Variants in MACROD2 observed in about 807,000 individuals in gnomAD.
MACROD2 encodes mono-ADP ribosylhydrolase 2.
Under a neutral mutation model 70.4 loss-of-function variants are expected in MACROD2, and 36 were observed. The ratio of observed to expected loss-of-function variants is 0.51; its 90% CI spans 0.39 to 0.68. The LOEUF is 0.68. Ranked by LOEUF, MACROD2 falls within the 30% of genes least tolerant of loss-of-function variation. The probability of loss-of-function intolerance (pLI) is 0.00; values close to 1 mark genes in which losing one functional copy is unlikely to be tolerated. For synonymous variants in MACROD2, 172 were observed against 178.8 expected, an observed-to-expected ratio of 0.96 and a Z score of 0.30; for missense variants, 496 against 538.4, an observed-to-expected ratio of 0.92 and a Z score of 0.78.
At chr20:14,094,444 A>G (rs1222793641) in intron 3 of MACROD2, among the ~76,000 whole-genome samples, 1 of 152,204 alleles carries the variant, frequency 6.6e-6, no homozygotes, top group Non-Finnish European at 1.5e-5. Flanking sequence ...AACTGTTTTC[A>G]TTAAAACTGT....
chr20:15,636,188 T>C (rs1600697475), intron 8 of MACROD2, among the ~76,000 whole-genome samples: 2 of 151,730 alleles, frequency 1.3e-5, no homozygotes, highest in South Asian at 4.2e-4. Flanking sequence ...GGGTTTGTGG[T>C]TTTCTAAATT....
intron 15 of MACROD2, among the ~76,000 whole-genome samples, chr20:16,023,758 TGTTACCCA>T (rs1419535909): frequency 3.9e-5 from 6 of 152,134 alleles, no homozygotes; most frequent in African/African-American, 1.2e-4. Context: ...GAAGCTGGGC[TGTTACCCA>T]GTGACTCCCT....
intron 2 of MACROD2, 34 bp downstream of exon 2, chr20:14,002,438 T>A: frequency 7.3e-7 from 1 of 1,368,436 alleles, no homozygotes; most frequent in Non-Finnish European, 1.0e-6. Context: ...AGGTAGATAT[T>A]TTTCCCATTT....
intron 3 of MACROD2, among the ~76,000 whole-genome samples, chr20:14,185,908 C>T (rs2081340419): frequency 6.6e-6 from 1 of 152,128 alleles, no homozygotes; most frequent in Non-Finnish European, 1.5e-5. Context: ...ATTAGAGTTT[C>T]AAATCTGCAG....
At chr20:14,691,474 C>T (rs1037976674) in intron 5 of MACROD2, among the ~76,000 whole-genome samples, 6 of 152,022 alleles carry the variant, frequency 3.9e-5, no homozygotes, top group Non-Finnish European at 8.8e-5. Context: ...GTGATTTTTC[C>T]CAATAGGGCC....
chr20:13,997,018 G>A (rs559673303), intron 1 of MACROD2, among the ~76,000 whole-genome samples: 1 of 152,248 alleles, frequency 6.6e-6, no homozygotes, highest in South Asian at 2.1e-4. Flanking sequence ...GGGAATTAAT[G>A]TGGAAAAAGA....
At chr20:15,834,325 G>T (rs1281115184) in intron 8 of MACROD2, among the ~76,000 whole-genome samples, 2 of 152,122 alleles carry the variant, frequency 1.3e-5, no homozygotes, top group African/African-American at 4.8e-5. Context: ...GGGCGACAGA[G>T]CTAGACTCTG....
At chr20:15,636,509 G>A (rs944994582) in intron 8 of MACROD2, among the ~76,000 whole-genome samples, 1 of 152,078 alleles carries the variant, frequency 6.6e-6, no homozygotes, top group African/African-American at 2.4e-5. Flanking sequence ...TAATGGGTTC[G>A]GTTTCATGTT....
intron 4 of MACROD2, among the ~76,000 whole-genome samples, chr20:14,617,947 A>G: frequency 6.6e-6 from 1 of 152,114 alleles, no homozygotes; most frequent in Non-Finnish European, 1.5e-5. Context: ...CTTGGAGCTG[A>G]AGGGAGTCAC....
chr20:15,575,817 A>G (rs935257202), intron 8 of MACROD2, among the ~76,000 whole-genome samples: 27 of 152,134 alleles, frequency 1.8e-4, no homozygotes, highest in Non-Finnish European at 3.2e-4. Flanking sequence ...TAAGCCTCTC[A>G]ACAGTCCCCC....
At chr20:15,181,699 G>A (rs1357839379) in intron 5 of MACROD2, among the ~76,000 whole-genome samples, 3 of 151,988 alleles carry the variant, frequency 2.0e-5, no homozygotes, top group Non-Finnish European at 4.4e-5. Context: ...GTACTTTCTA[G>A]GAATGCATTT....
intron 3 of MACROD2, among the ~76,000 whole-genome samples, chr20:14,469,081 A>T (rs1455597319): frequency 2.0e-5 from 3 of 151,818 alleles, no homozygotes; most frequent in Admixed American, 6.6e-5. Context: ...TTTTCTTTCC[A>T]TATTTAGTGC....
At chr20:14,382,147 C>T (rs936639372) in intron 3 of MACROD2, among the ~76,000 whole-genome samples, 6 of 150,768 alleles carry the variant, frequency 4.0e-5, no homozygotes, top group East Asian at 2.0e-4. Context: ...CTGCAAACTC[C>T]GCCTCCAGGG....
At chr20:15,828,881 A>T (rs1457164805) in intron 8 of MACROD2, among the ~76,000 whole-genome samples, 1 of 152,270 alleles carries the variant, frequency 6.6e-6, no homozygotes, top group East Asian at 1.9e-4. Context: ...ATCTCAGGAC[A>T]TCCTTTAAGT....
intron 6 of MACROD2, among the ~76,000 whole-genome samples, chr20:15,320,347 C>T (rs545558288): frequency 1.3e-5 from 2 of 152,316 alleles, no homozygotes; most frequent in East Asian, 3.9e-4. Flanking sequence ...CATAGTTGCA[C>T]ACATTTTGAG....
chr20:15,745,590 A>T (rs2051171019), intron 8 of MACROD2, among the ~76,000 whole-genome samples: 1 of 152,138 alleles, frequency 6.6e-6, no homozygotes, highest in Non-Finnish European at 1.5e-5. Flanking sequence ...GATGTTTTTG[A>T]AGAAAAGCTC....
intron 3 of MACROD2, among the ~76,000 whole-genome samples, chr20:14,368,000 A>G (rs1299550023): frequency 6.6e-6 from 1 of 151,992 alleles, no homozygotes; most frequent in Non-Finnish European, 1.5e-5. Context: ...TTTTCATGTT[A>G]GTTATTGTAC....
At chr20:15,393,127 G>A (rs1451698590) in intron 6 of MACROD2, among the ~76,000 whole-genome samples, 1 of 152,022 alleles carries the variant, frequency 6.6e-6, no homozygotes, top group African/African-American at 2.4e-5. Context: ...GGCAACAGGT[G>A]AATCCCATGA....
chr20:15,496,562 A>G (rs1464089338), intron 7 of MACROD2, among the ~76,000 whole-genome samples: 1 of 152,260 alleles, frequency 6.6e-6, no homozygotes, highest in Admixed American at 6.5e-5. Context: ...TCTAAAGGTG[A>G]ATGTTAATAC....
Sources: gnomAD v4.1 joint callset for allele counts (sites outside exome capture counted in the v4.1 genomes callset) on GRCh38, gnomAD v4.1.1 for gene constraint, MANE v1.5 for transcripts, NCBI Gene and HGNC (gene_info 2026-07-23, HGNC 2026-07-21) for gene names.